PFKFB1: variants seen among roughly 807,000 people sequenced by gnomAD.
PFKFB1 encodes 6-phosphofructo-2-kinase/fructose-2,6-biphosphatase 1, also known as 6-phosphofructo-2-kinase/fructose-2,6-bisphosphatase 1.
Under a neutral mutation model 46.4 loss-of-function variants are expected in PFKFB1, and 34 were observed. The ratio of observed to expected loss-of-function variants is 0.73; its 90% CI spans 0.56 to 0.98. The LOEUF (loss-of-function observed/expected upper bound fraction) is 0.98. PFKFB1 is among the 50% of genes least tolerant of loss of function. The pLI is 0.00. For missense variants in PFKFB1, 393 were observed against 376.3 expected, an observed-to-expected ratio of 1.04 and a Z score of -0.37; for synonymous variants, 119 against 133.8, an observed-to-expected ratio of 0.89 and a Z score of 0.76.
chrX:54,967,571 T>C (rs1460170996), intron 1 of PFKFB1, among the ~76,000 whole-genome samples: 2 of 75,973 alleles, frequency 2.6e-5, no homozygotes, highest in African/African-American at 1.0e-4. Context: ...AACCTACTCA[T>C]CTGACAAAGG....
At chrX:54,949,449 A>C (rs1933902421) in intron 8 of PFKFB1, among the ~76,000 whole-genome samples, 2 of 109,914 alleles carry the variant, frequency 1.8e-5, no homozygotes, top group African/African-American at 3.4e-5. Context: ...AGAGAGAGAG[A>C]GAGAGAGCGC....
chrX:54,984,273 G>C (rs1001873523), intron 1 of PFKFB1, among the ~76,000 whole-genome samples: 4 of 111,735 alleles, frequency 3.6e-5, no homozygotes, highest in Admixed American at 1.9e-4. Flanking sequence ...ATTTGCAAAT[G>C]TCATGATTGT....
In PFKFB1 at chrX:54,994,051, G is replaced by A; in HGVS notation, c.-44C>T. 1 of 1,175,418 alleles carries A rather than the reference G, an allele frequency of 8.5e-7. No individual in the cohort carries two copies. Among genetic ancestry groups the A allele is most frequent in the East Asian group, 3.1e-5 (1 of 32,168 alleles). Reference sequence around the variant, plus strand: ...TGACATCACTGCCCACAAGGTACCTGGCCTCACTTCCTATCTTACTAGCTG... The same window carrying A: ...TGACATCACTGCCCACAAGGTACCTAGCCTCACTTCCTATCTTACTAGCTG... On this transcript the variant is annotated 5_prime_UTR_variant, in exon 1 of 14. Transcript: ENST00000375006.
intron 9 of PFKFB1, among the ~76,000 whole-genome samples, chrX:54,947,671 C>T (rs759476215): frequency 2.7e-5 from 3 of 111,914 alleles, no homozygotes; most frequent in East Asian, 5.7e-4. Flanking sequence ...CCTACCCACA[C>T]GCAAGTTATT....
intron 1 of PFKFB1, among the ~76,000 whole-genome samples, chrX:54,964,733 T>A (rs1459861189): frequency 1.8e-5 from 2 of 111,582 alleles, no homozygotes; most frequent in Non-Finnish European, 3.8e-5. Flanking sequence ...ACTGTTTCCA[T>A]CTTTATCAGA....
chrX:54,933,447 G>A lies in PFKFB1; in HGVS notation c.1372C>T (p.Arg458Trp), dbSNP rs1225601455. The change falls in exon 14 of 14, where the codon CGG becomes TGG. Residue 458 changes from arginine to tryptophan, a missense_variant. Arg to Trp is a moderately radical substitution (Grantham distance 101). Transcript: ENST00000375006. Reference sequence around the variant, plus strand: ...GTATCCAGGGCTTCCTCAGGTTCCCGGGTGATGTCCACATTCTGAGGAGAG... The same window carrying A: ...GTATCCAGGGCTTCCTCAGGTTCCCAGGTGATGTCCACATTCTGAGGAGAG... ...REKPENVDIT[R>W]EPEEALDTVP... The A allele has an allele frequency of 4.1e-6, 5 of 1,206,345 alleles. No homozygotes were observed. The highest frequency in any genetic ancestry group is 3.0e-5 in the East Asian group (1 of 33,729).
chrX:54,967,391 A>T (rs890462554), intron 1 of PFKFB1, among the ~76,000 whole-genome samples: 1 of 111,442 alleles, frequency 9.0e-6, no homozygotes, highest in African/African-American at 3.3e-5. Flanking sequence ...AGGCTTTACC[A>T]TTCAGGACAT....
At position 54,969,812 on chromosome X, in the gene PFKFB1, T is replaced by C. The variant is rs137961464; in HGVS notation, c.98-6430A>G. Reference sequence around the variant, plus strand: ...CAATATTATAAGGCAAGAAAGGTAATATAAGGCATGCAAATTGTAAAGGAA... The same window carrying C: ...CAATATTATAAGGCAAGAAAGGTAACATAAGGCATGCAAATTGTAAAGGAA... On this transcript the variant is annotated intron_variant, in intron 1 of 13. Coordinates refer to ENST00000375006, the MANE Select transcript of PFKFB1 (RefSeq NM_002625.4). Among the ~76,000 whole-genome samples, 716 of 112,115 alleles carry C rather than the reference T, an allele frequency of 6.4e-3. 7 individuals carry two copies. Among genetic ancestry groups the C allele is most frequent in the African/African-American group, 0.021 (654 of 30,944 alleles).
At chrX:54,963,018 T>C (rs1348137743) in intron 2 of PFKFB1, among the ~76,000 whole-genome samples, 2 of 112,388 alleles carry the variant, frequency 1.8e-5, no homozygotes, top group Non-Finnish European at 3.8e-5. Flanking sequence ...AGAGAAGACA[T>C]TTAATCTTAA....
intron 1 of PFKFB1, among the ~76,000 whole-genome samples, chrX:54,964,235 C>T (rs1355219317): frequency 1.8e-5 from 2 of 110,706 alleles, no homozygotes; most frequent in Non-Finnish European, 1.9e-5. Flanking sequence ...TTGTGAAGGT[C>T]ATACCTCCAA....
At chrX:54,982,507 A>T (rs1935019381) in intron 1 of PFKFB1, among the ~76,000 whole-genome samples, 2 of 112,193 alleles carry the variant, frequency 1.8e-5, no homozygotes, top group Non-Finnish European at 3.8e-5. Flanking sequence ...AATAAAAATA[A>T]CAAGAATAAA....
chrX:54,960,721 G>T lies in PFKFB1; in HGVS notation c.317+103C>A, dbSNP rs966826271. 3.0e-5 allele frequency: 13 copies of T among 432,446 alleles called. No individual in the cohort carries two copies. The African/African-American group carries it at 3.2e-4, about 11-fold the overall frequency. 35.6% of individuals were successfully genotyped at this position (432,446 alleles called of 1,213,427 possible). A position where few individuals can be genotyped will look rare whatever the true frequency, so the allele number is the denominator to read the frequency against. On this transcript the variant is annotated intron_variant, in intron 3 of 13. Coordinates refer to ENST00000375006, the MANE Select transcript of PFKFB1 (RefSeq NM_002625.4). ...CAACTACTGTTTGAGAGTCTAGAGG[G>T]CCTCCTTTCTGGTCCAGATTATTCT... is the stretch of plus-strand genomic sequence containing the variant.
intron 1 of PFKFB1, among the ~76,000 whole-genome samples, chrX:54,977,333 T>C (rs778455951): frequency 2.7e-5 from 3 of 110,812 alleles, no homozygotes; most frequent in Non-Finnish European, 5.7e-5. Context: ...TGTACTCTAA[T>C]TGATAAAATT....
intron 11 of PFKFB1, 106 bp downstream of exon 11, chrX:54,937,480 AGGCATCCTT>A: frequency 1.5e-6 from 1 of 655,954 alleles, no homozygotes. Context: ...ATCTGAACCT[AGGCATCCTT>A]GTTCTAGATA....
At chrX:54,988,547 G>A (rs992325589) in intron 1 of PFKFB1, among the ~76,000 whole-genome samples, 2 of 111,515 alleles carry the variant, frequency 1.8e-5, no homozygotes, top group African/African-American at 6.5e-5. Context: ...ATCTGAAAAA[G>A]ACCAAAATTA....
At chrX:54,939,978 T>C (rs1569546657) in intron 10 of PFKFB1, among the ~76,000 whole-genome samples, 2 of 112,106 alleles carry the variant, frequency 1.8e-5, no homozygotes, top group African/African-American at 6.5e-5. Flanking sequence ...TGAACATCGA[T>C]GCAAAAATGC....
At chrX:54,976,105 T>G (rs930253226) in intron 1 of PFKFB1, among the ~76,000 whole-genome samples, 1 of 111,330 alleles carries the variant, frequency 9.0e-6, no homozygotes, top group Admixed American at 9.6e-5. Context: ...CTATAAAAAT[T>G]TAAACATTTT....
intron 9 of PFKFB1, 69 bp from the exon 10 acceptor site, chrX:54,945,612 T>G: frequency 1.4e-6 from 1 of 699,915 alleles, no homozygotes; most frequent in East Asian, 3.4e-5. Flanking sequence ...GCCATAATTC[T>G]TCGATGATTG....
At chrX:54,942,902 TTAAA>T (rs976635912) in intron 10 of PFKFB1, among the ~76,000 whole-genome samples, 4 of 111,357 alleles carry the variant, frequency 3.6e-5, no homozygotes, top group Non-Finnish European at 1.9e-5. Flanking sequence ...TGGATACTAC[TTAAA>T]TAGTGACTAG....
Sources: gnomAD v4.1 joint callset for allele counts (sites outside exome capture counted in the v4.1 genomes callset) on GRCh38, gnomAD v4.1.1 for gene constraint, MANE v1.5 for transcripts, NCBI Gene and HGNC (gene_info 2026-07-23, HGNC 2026-07-21) for gene names.